CIAO3: variants seen among roughly 807,000 people sequenced by gnomAD.
CIAO3 encodes the protein cytosolic iron-sulfur assembly component 3, also known as LET1 like/JFP15.
In CIAO3, 45 loss-of-function variants were observed where a neutral mutation model predicts 51.5. The ratio of observed to expected loss-of-function variants is 0.87; its 90% CI spans 0.69 to 1.12. CIAO3 has a LOEUF of 1.12. Among genes scored for constraint, CIAO3 ranks in the 50% most tolerant of loss-of-function variants. CIAO3 has a pLI of 0.00. For missense variants in CIAO3, 668 were observed against 632.5 expected (o/e 1.06, Z -0.60); for synonymous variants, 314 against 269.3 (o/e 1.17, Z -1.63).
chr16:731,590 C>T lies in CIAO3; in HGVS notation c.1009G>A (p.Ala337Thr). The T allele has an allele frequency of 1.3e-6, 2 of 1,567,776 alleles. No individual in the cohort carries two copies. The highest frequency in any genetic ancestry group is 2.3e-5 in the South Asian group (2 of 85,416). The change falls in exon 9 of 11, where the codon GCT becomes ACT. Residue 337 changes from alanine to threonine, a missense_variant. Coordinates refer to ENST00000251588, the MANE Select transcript of CIAO3 (RefSeq NM_022493.3). ...AARELFGIHV[A>T]EVTYKPLRNK... ...CTCAGGGGTTTGTAGGTAACCTCAG[C>T]CACATGGATTCCAAAGAGCTCTCGG...
intron 1 of CIAO3, chr16:740,124 G>C: frequency 2.3e-6 from 3 of 1,305,992 alleles, no homozygotes; most frequent in Non-Finnish European, 3.0e-6. Context: ...ACCACCTCCT[G>C]CTCAGTGCCC....
At chr16:734,671 C>T (rs778557485) in intron 5 of CIAO3, 66 bp downstream of exon 5, 15 of 1,612,068 alleles carry the variant, frequency 9.3e-6, no homozygotes, top group Non-Finnish European at 1.2e-5. Context: ...TCATTTGTGT[C>T]CATATCACCT....
chr16:740,115 C>T (rs1351679564), intron 1 of CIAO3: 5 of 1,312,014 alleles, frequency 3.8e-6, no homozygotes, highest in Non-Finnish European at 4.0e-6. Flanking sequence ...TGTTTGGAGA[C>T]CACCTCCTGC....
intron 7 of CIAO3, chr16:732,715 C>T (rs1202676125): frequency 2.7e-5 from 10 of 368,582 alleles, no homozygotes; most frequent in South Asian, 1.3e-4. Context: ...CGGCTCACTA[C>T]GACCTCTGCC....
Position 730,327 on chromosome 16 carries a change from G to C in CIAO3, c.*90C>G, listed in dbSNP as rs373451180. The C allele has an allele frequency of 2.2e-6, 3 of 1,357,988 alleles. No homozygotes were observed. Among genetic ancestry groups the C allele is most frequent in the East Asian group, 2.3e-5 (1 of 43,486 alleles). The allele number at this position is 1,357,988 out of a possible 1,614,324, so 84.1% of individuals were successfully genotyped here. ...CCCAGCACACCCTGCAGCTCACTCA[G>C]AATTTTGGGGGAAGCCCTGGGGTCT... On this transcript the variant is annotated 3_prime_UTR_variant, in exon 11 of 11. Coordinates refer to ENST00000251588, the MANE Select transcript of CIAO3 (RefSeq NM_022493.3).
chr16:730,881 C>T lies in CIAO3; in HGVS notation c.1154G>A (p.Cys385Tyr), dbSNP rs777970887. ...NLVQRLKRGR[C>Y]PYHYVEVMAC... ...CATGACCTCCACGTAGTGGTAGGGGCAGCGCCCTCGTTTGAGCCTCTGCAC... is the reference window on the plus strand; with the variant it reads ...CATGACCTCCACGTAGTGGTAGGGGTAGCGCCCTCGTTTGAGCCTCTGCAC... The change falls in exon 10 of 11, where the codon TGC becomes TAC. Residue 385 changes from cysteine (C) to tyrosine (Y), a missense_variant. Coordinates refer to ENST00000251588, the MANE Select transcript of CIAO3 (RefSeq NM_022493.3). 9.3e-6 allele frequency: 15 copies of T among 1,612,896 alleles called. No homozygotes were observed. Among genetic ancestry groups the T allele is most frequent in the Non-Finnish European group, 1.3e-5 (15 of 1,180,006 alleles).
In CIAO3 at chr16:735,030, T is replaced by C. The variant is rs921402651; in HGVS notation, c.440-159A>G. ...ACCGTGGGGACCTCCTAAAGCCACG[T>C]TGCGCCAAAGCCCCAGCCCCACTGT... On this transcript the variant is annotated intron_variant, in intron 4 of 10. Coordinates refer to ENST00000251588, the MANE Select transcript of CIAO3 (RefSeq NM_022493.3). 3 of 1,003,794 alleles carry C rather than the reference T, an allele frequency of 3.0e-6. No individual in the cohort carries two copies. In the African/African-American group the frequency reaches 5.0e-5, roughly 17 times the overall value. 62.2% of individuals were successfully genotyped at this position (1,003,794 alleles called of 1,614,324 possible). A position where few individuals can be genotyped will look rare whatever the true frequency, so the allele number is the denominator to read the frequency against.
Position 736,125 on chromosome 16 carries a change from T to A in CIAO3, c.439+141A>T. 2.7e-6 allele frequency: 3 copies of A among 1,092,102 alleles called. No homozygotes were observed. The South Asian group carries it at 4.5e-5, about 16-fold the overall frequency. The allele number at this position is 1,092,102 out of a possible 1,614,324, so 67.7% of individuals were successfully genotyped here. ...GTCAAATCAAAACTTCAGGCTGAGG[T>A]CACAGAGGGAATAAAGTTTCTGTAG... On this transcript the variant is annotated intron_variant, in intron 4 of 10. Coordinates refer to ENST00000251588, the MANE Select transcript of CIAO3 (RefSeq NM_022493.3).
intron 2 of CIAO3, 130 bp downstream of exon 2, chr16:739,513 C>T (rs1482629168): frequency 5.4e-6 from 5 of 930,992 alleles, no homozygotes; most frequent in African/African-American, 4.9e-5. Context: ...CAGGTGAATT[C>T]GACCAGTGGG....
intron 7 of CIAO3, chr16:733,063 G>A (rs2041301907): frequency 5.6e-6 from 3 of 532,860 alleles, no homozygotes; most frequent in Non-Finnish European, 1.0e-5. Flanking sequence ...TCATTTCAGA[G>A]CCAACAAGGA....
Position 733,331 on chromosome 16 carries a change from G to C in CIAO3, c.790C>G (p.Gln264Glu). The C allele has an allele frequency of 1.2e-6, 2 of 1,613,784 alleles. No homozygotes were observed. Among genetic ancestry groups the C allele is most frequent in the Non-Finnish European group, 8.5e-7 (1 of 1,179,992 alleles). ...AGGACACAGTCCACATCCCGTGTCTGGTGCTCCTGGTTGAAAAAGTCGGGT... is the reference window on the plus strand; with the variant it reads ...AGGACACAGTCCACATCCCGTGTCTCGTGCTCCTGGTTGAAAAAGTCGGGT... ...SRPDFFNQEHQTRDVDCVLTT... is the reference protein window; with the variant it reads ...SRPDFFNQEHETRDVDCVLTT... Residue 264 changes from glutamine to glutamate, a missense_variant, in exon 7 of 11, where the codon CAG (glutamine) becomes GAG (glutamate). Physicochemically the swap from Gln to Glu is conservative, Grantham distance 29. Transcript: ENST00000251588.
In CIAO3 at chr16:730,311, C is replaced by T; in HGVS notation, c.*106G>A. On this transcript the variant is annotated 3_prime_UTR_variant, in exon 11 of 11. Coordinates refer to ENST00000251588, the MANE Select transcript of CIAO3 (RefSeq NM_022493.3). ...TAGCTCCTACTCGGGTCCCAGCACACCCTGCAGCTCACTCAGAATTTTGGG... is the reference window on the plus strand; with the variant it reads ...TAGCTCCTACTCGGGTCCCAGCACATCCTGCAGCTCACTCAGAATTTTGGG... 8.5e-7 allele frequency: 1 copy of T among 1,183,060 alleles called. No individual in the cohort carries two copies. Among genetic ancestry groups the T allele is most frequent in the South Asian group, 1.4e-5 (1 of 73,332 alleles). 73.3% of individuals were successfully genotyped at this position (1,183,060 alleles called of 1,614,324 possible).
chr16:734,011 GC>G (rs2041312550), intron 6 of CIAO3: 2 of 542,100 alleles, frequency 3.7e-6, no homozygotes. Context: ...AGGCCTGGCT[GC>G]CTCTGGGTGA....
chr16:730,162 A>T lies in CIAO3; in HGVS notation c.*255T>A. On this transcript the variant is annotated 3_prime_UTR_variant, in exon 11 of 11. Coordinates refer to ENST00000251588, the MANE Select transcript of CIAO3 (RefSeq NM_022493.3). Reference sequence around the variant, plus strand: ...GGCCTCGGCCCAGGGCCAACGGAACAGGCTCTGGGACCTCAGGGAACCTTC... The same window carrying T: ...GGCCTCGGCCCAGGGCCAACGGAACTGGCTCTGGGACCTCAGGGAACCTTC... The T allele has an allele frequency of 1.8e-6, 1 of 570,222 alleles. No homozygotes were observed. The highest frequency in any genetic ancestry group is 3.1e-6 in the Non-Finnish European group (1 of 319,022). 35.3% of individuals were successfully genotyped at this position (570,222 alleles called of 1,614,324 possible).
In CIAO3 at chr16:730,503, T is replaced by C; in HGVS notation, c.1345A>G (p.Thr449Ala). 6.2e-7 allele frequency: 1 copy of C among 1,610,276 alleles called. No individual in the cohort carries two copies. Among genetic ancestry groups the C allele is most frequent in the Non-Finnish European group, 8.5e-7 (1 of 1,179,980 alleles). Residue 449 changes from threonine to alanine, a missense_variant, in exon 11 of 11, where the codon ACG becomes GCG. By Grantham distance (58) the Thr-to-Ala change is moderately conservative. Coordinates refer to ENST00000251588, the MANE Select transcript of CIAO3 (RefSeq NM_022493.3). ...QELYTHWLQGTDSECAGRLLH... is the reference protein window; with the variant it reads ...QELYTHWLQGADSECAGRLLH... ...AAGCGACCTGCACACTCCGAGTCCG[T>C]GCCCTGCAGCCAGTGTGTGTACAGC...
rs761339853 is a variant in CIAO3 at position 733,407 on chromosome 16, G to C, written c.714C>G (p.Ile238Met). 1.8e-5 allele frequency: 29 copies of C among 1,613,830 alleles called. No individual in the cohort carries two copies. The South Asian group carries it at 3.2e-4, about 18-fold the overall frequency. ...AQQQHLTPDK[I>M]YHVTVMPCYD... ...AGCAGGGCATCACTGTGACGTGGTAGATCTTGTCAGGGGTCAAGTGCTACA... is the reference window on the plus strand; with the variant it reads ...AGCAGGGCATCACTGTGACGTGGTACATCTTGTCAGGGGTCAAGTGCTACA... The change falls in exon 7 of 11, where the codon ATC (isoleucine) becomes ATG (methionine). Residue 238 changes from isoleucine (I) to methionine (M), a missense_variant. Ile to Met is a conservative substitution (Grantham distance 10). Transcript: ENST00000251588.
intron 2 of CIAO3, chr16:738,240 G>A: frequency 2.0e-6 from 2 of 988,202 alleles, no homozygotes; most frequent in South Asian, 4.6e-5. Context: ...TCGTTTGTGG[G>A]CTGGGCCCCC....
Position 737,964 on chromosome 16 carries a change from G to C in CIAO3, c.163-635C>G, listed in dbSNP as rs1459273959. On this transcript the variant is annotated intron_variant, in intron 2 of 10. Coordinates refer to ENST00000251588, the MANE Select transcript of CIAO3 (RefSeq NM_022493.3). This position sits in a 1 kb window ranked among gnomAD's most constrained non-coding sequence, Gnocchi z 5.3. Reference sequence around the variant, plus strand: ...GGCAGGAATGGTTTGAGCAGGGCCAGGGGTGCTGCAGTGGCCCGGAATACA... The same window carrying C: ...GGCAGGAATGGTTTGAGCAGGGCCACGGGTGCTGCAGTGGCCCGGAATACA... The C allele has an allele frequency of 8.5e-7, 1 of 1,173,882 alleles. No homozygotes were observed. Among genetic ancestry groups the C allele is most frequent in the African/African-American group, 1.6e-5 (1 of 62,188 alleles). 72.7% of individuals were successfully genotyped at this position (1,173,882 alleles called of 1,614,324 possible).
chr16:739,768 C>T, intron 1 of CIAO3, 30 bp from the exon 2 acceptor site: 1 of 1,604,952 alleles, frequency 6.2e-7, no homozygotes, highest in Non-Finnish European at 8.5e-7. Context: ...CAAATCAGCC[C>T]CTGTGAGTGG....
Sources: allele counts gnomAD v4.1 joint callset, GRCh38; gene constraint gnomAD v4.1.1; non-coding constraint Gnocchi (gnomAD v3.1); transcripts MANE v1.5; gene names NCBI Gene and HGNC (gene_info 2026-07-23, HGNC 2026-07-21).